The following BRINP3 variants were observed in gnomAD, a reference collection of about 807,000 sequenced individuals.
The protein encoded by BRINP3 is BMP/retinoic acid inducible neural specific 3.
BRINP3 carries 19 observed loss-of-function variants against 71.0 expected under a neutral mutation model. The ratio of observed to expected loss-of-function variants is 0.27; its 90% CI spans 0.19 to 0.39. The LOEUF (loss-of-function observed/expected upper bound fraction) is 0.39, where lower values mean the gene tolerates loss of function less well. Among genes scored for constraint, BRINP3 ranks in the 10% least tolerant of loss-of-function variants. The pLI, the probability that BRINP3 is intolerant of heterozygous loss-of-function variation, is 1.00. For synonymous variants in BRINP3, 380 were observed against 337.7 expected (o/e 1.13, Z -1.37); for missense variants, 959 against 940.8 (o/e 1.02, Z -0.25).
rs1425807939 is a variant in BRINP3, at chr1:190,098,904, C to T, written c.1415G>A (p.Gly472Glu). The change falls in exon 8 of 8, where the codon GGG (glycine) becomes GAG (glutamate). Residue 472 changes from glycine (G) to glutamate (E), a missense_variant. Coordinates refer to ENST00000367462, the MANE Select transcript of BRINP3 (RefSeq NM_199051.3). Reference protein sequence around the residue: ...TCNTGYMLSQGLCKPEVAEST... With the variant: ...TCNTGYMLSQELCKPEVAEST... ...CTCGGCGACTTCAGGCTTGCAGAGC[C>T]CCTGGCTGAGCATGTAGCCGGTGTT... is the stretch of plus-strand genomic sequence containing the variant. 6.2e-7 allele frequency: 1 copy of T among 1,614,006 alleles called. No homozygotes were observed.
intron 2 of BRINP3, among the ~76,000 whole-genome samples, chr1:190,312,036 AATATATATAT>A (rs1180367434): frequency 0.035 from 2,392 of 68,316 alleles, 99 homozygotes; most frequent in African/African-American, 0.1. Flanking sequence ...TGAAAAGTCA[AATATATATAT>A]ATATATATAT....
intron 2 of BRINP3, among the ~76,000 whole-genome samples, chr1:190,408,188 ATTAT>A (rs142254779): frequency 0.34 from 23,567 of 69,268 alleles, 1,919 homozygotes; most frequent in East Asian, 0.39. Context: ...CGCCTGGCTA[ATTAT>A]TTATTTATTT....
At chr1:190,443,061 C>T (rs1170664039) in intron 2 of BRINP3, among the ~76,000 whole-genome samples, 1 of 150,888 alleles carries the variant, frequency 6.6e-6, no homozygotes, top group Non-Finnish European at 1.5e-5. Context: ...TATGGGCGTG[C>T]GCCACTGCAC....
chr1:190,192,570 A>G (rs1654132664), intron 6 of BRINP3, among the ~76,000 whole-genome samples: 1 of 152,046 alleles, frequency 6.6e-6, no homozygotes, highest in African/African-American at 2.4e-5. Context: ...AATTGGCATA[A>G]GCATAATAAA....
intron 2 of BRINP3, among the ~76,000 whole-genome samples, chr1:190,377,777 C>G (rs1204716802): frequency 6.6e-6 from 1 of 151,576 alleles, no homozygotes; most frequent in Non-Finnish European, 1.5e-5. Context: ...AACTATTCTA[C>G]CTACAACAGC....
chr1:190,203,492 T>C (rs900653645), intron 6 of BRINP3, among the ~76,000 whole-genome samples: 13 of 149,512 alleles, frequency 8.7e-5, no homozygotes, highest in African/African-American at 7.3e-5. Flanking sequence ...TATATATATA[T>C]ACATATATCT....
At chr1:190,270,945 A>G (rs977243113) in intron 3 of BRINP3, among the ~76,000 whole-genome samples, 3 of 151,646 alleles carry the variant, frequency 2.0e-5, no homozygotes, top group Non-Finnish European at 4.4e-5. Context: ...TAATAATTAT[A>G]TCAAATATTT....
At chr1:190,151,909 G>A (rs1656427024) in intron 7 of BRINP3, among the ~76,000 whole-genome samples, 1 of 152,164 alleles carries the variant, frequency 6.6e-6, no homozygotes, top group Admixed American at 6.5e-5. Flanking sequence ...ACGTGACACT[G>A]ATCTCCAAGC....
At chr1:190,356,258 T>C (rs1187138473) in intron 2 of BRINP3, among the ~76,000 whole-genome samples, 1 of 152,056 alleles carries the variant, frequency 6.6e-6, no homozygotes, top group Non-Finnish European at 1.5e-5. Context: ...ATAGCTATTA[T>C]TTAAATGAAT....
At chr1:190,348,168 T>G (rs1268899279) in intron 2 of BRINP3, among the ~76,000 whole-genome samples, 1 of 152,076 alleles carries the variant, frequency 6.6e-6, no homozygotes, top group African/African-American at 2.4e-5. Context: ...AAGAGTACAT[T>G]CAGAGAGGAA....
chr1:190,186,853 A>C, intron 6 of BRINP3, among the ~76,000 whole-genome samples: 1 of 152,230 alleles, frequency 6.6e-6, no homozygotes, highest in Admixed American at 6.5e-5. Flanking sequence ...ATATTCTCCC[A>C]GTTTCAAGAT....
chr1:190,233,307 T>C (rs886279080), intron 5 of BRINP3, among the ~76,000 whole-genome samples: 3 of 151,982 alleles, frequency 2.0e-5, no homozygotes, highest in African/African-American at 7.2e-5. Flanking sequence ...TCCTCCTGCC[T>C]CAGCCTCCTG....
intron 6 of BRINP3, among the ~76,000 whole-genome samples, chr1:190,175,048 T>C (rs1652383086): frequency 6.6e-6 from 1 of 152,132 alleles, no homozygotes; most frequent in African/African-American, 2.4e-5. Context: ...CTGCATGGCC[T>C]GAGAGCCCGA....
chr1:190,423,502 T>C (rs896376341), intron 2 of BRINP3, among the ~76,000 whole-genome samples: 1 of 151,834 alleles, frequency 6.6e-6, no homozygotes, highest in Non-Finnish European at 1.5e-5. Context: ...TCCATAATAC[T>C]ATGGCACTGG....
At chr1:190,473,291 G>T (rs2102718777) in intron 1 of BRINP3, among the ~76,000 whole-genome samples, 1 of 152,022 alleles carries the variant, frequency 6.6e-6, no homozygotes, top group Admixed American at 6.5e-5. Flanking sequence ...ACTACCTTTT[G>T]CATCCAACTA....
In BRINP3 at chr1:190,098,413, T is replaced by C. The variant is rs1051625332; in HGVS notation, c.1906A>G (p.Asn636Asp). 1.9e-6 allele frequency: 3 copies of C among 1,614,178 alleles called. No homozygotes were observed. Among genetic ancestry groups the C allele is most frequent in the Non-Finnish European group, 1.7e-6 (2 of 1,180,038 alleles). Residue 636 changes from asparagine to aspartate, a missense_variant, in exon 8 of 8, where the codon AAT becomes GAT. By Grantham distance (23) the Asn-to-Asp change is conservative. Coordinates refer to ENST00000367462, the MANE Select transcript of BRINP3 (RefSeq NM_199051.3). Reference protein sequence around the residue: ...HIYLRSRIKSNGPNGNESIYY... With the variant: ...HIYLRSRIKSDGPNGNESIYY... ...ATGCTCTCATTACCATTGGGACCAT[T>C]GGACTTGATGCGACTTCTCAGGTAG...
intron 7 of BRINP3, 54 bp downstream of exon 7, chr1:190,160,613 GA>G: frequency 2.1e-6 from 3 of 1,460,328 alleles, no homozygotes; most frequent in Non-Finnish European, 1.9e-6. Flanking sequence ...AAAATAAATA[GA>G]ACTCACTTTT....
intron 5 of BRINP3, 76 bp from the exon 6 acceptor site, chr1:190,226,394 A>G: frequency 9.0e-6 from 7 of 774,450 alleles, no homozygotes; most frequent in South Asian, 7.3e-5. Context: ...ATAATATTCA[A>G]TCAAAACAGT....
In BRINP3 at chr1:190,281,631, G is replaced by T; in HGVS notation, c.356C>A (p.Thr119Asn). ...AAGGTTTTCTGTGATTTGCTGAAGG[G>T]TAGGTCGACGTCCCAAAAGTCTTAT... ...RNIRLLGRRP[T>N]LQQITENLIK... Residue 119 changes from threonine to asparagine, a missense_variant, in exon 3 of 8, where the codon ACC (threonine) becomes AAC (asparagine). Physicochemically the swap from Thr to Asn is moderately conservative, Grantham distance 65. Transcript: ENST00000367462. The T allele has an allele frequency of 6.2e-7, 1 of 1,612,922 alleles. No homozygotes were observed. Among genetic ancestry groups the T allele is most frequent in the South Asian group, 1.1e-5 (1 of 91,050 alleles).
Sources: gnomAD v4.1 joint callset for allele counts (sites outside exome capture counted in the v4.1 genomes callset) on GRCh38, gnomAD v4.1.1 for gene constraint, MANE v1.5 for transcripts, NCBI Gene and HGNC (gene_info 2026-07-23, HGNC 2026-07-21) for gene names.